Variants in MPPED2 observed in about 807,000 individuals in gnomAD.
MPPED2 encodes the protein metallophosphoesterase MPPED2.
In MPPED2, 5 loss-of-function variants were observed where a neutral mutation model predicts 33.0. That is an observed-to-expected ratio of 0.15 (90% CI 0.08 to 0.32). MPPED2 has a LOEUF of 0.32. Ranked by LOEUF, MPPED2 falls within the 10% of genes least tolerant of loss-of-function variation. The probability of loss-of-function intolerance (pLI) is 1.00; values close to 1 mark genes in which losing one functional copy is unlikely to be tolerated. For missense variants in MPPED2, 275 were observed against 372.1 expected (o/e 0.74, Z 2.15); for synonymous variants, 136 against 141.9 (o/e 0.96, Z 0.29).
At chr11:30,501,006 G>A (rs746165240) in intron 3 of MPPED2, among the ~76,000 whole-genome samples, 39 of 152,130 alleles carry the variant, frequency 2.6e-4, no homozygotes, top group African/African-American at 8.0e-4. Context: ...CAGTCTAGCC[G>A]ACTAATCTCC....
intron 4 of MPPED2, among the ~76,000 whole-genome samples, chr11:30,484,137 T>A (rs572189137): frequency 6.6e-6 from 1 of 152,292 alleles, no homozygotes; most frequent in South Asian, 2.1e-4. Flanking sequence ...ATGTGATCCA[T>A]CCTGTAAACC....
At chr11:30,428,229 A>G (rs908810283) in intron 4 of MPPED2, among the ~76,000 whole-genome samples, 1 of 152,254 alleles carries the variant, frequency 6.6e-6, no homozygotes, top group African/African-American at 2.4e-5. Context: ...TTGCTGGTAT[A>G]TATCTCTCAT....
At chr11:30,525,523 T>A (rs534197451) in intron 3 of MPPED2, among the ~76,000 whole-genome samples, 3 of 152,318 alleles carry the variant, frequency 2.0e-5, no homozygotes, top group Admixed American at 6.5e-5. Context: ...AATAATTATG[T>A]ATGTCTTGCC....
chr11:30,408,463 C>T (rs1380448237), downstream of MPPED2, among the ~76,000 whole-genome samples: 2 of 152,156 alleles, frequency 1.3e-5, no homozygotes, highest in Non-Finnish European at 2.9e-5. Context: ...AGGCATGTGC[C>T]ACCACGCCCA....
chr11:30,460,389 G>T (rs1306612164), intron 4 of MPPED2, among the ~76,000 whole-genome samples: 1 of 152,180 alleles, frequency 6.6e-6, no homozygotes, highest in Non-Finnish European at 1.5e-5. Flanking sequence ...GAAGGCTGAG[G>T]TGGAAGGATC....
chr11:30,564,961 C>T (rs1253403253), intron 2 of MPPED2, among the ~76,000 whole-genome samples: 2 of 152,096 alleles, frequency 1.3e-5, no homozygotes, highest in African/African-American at 4.8e-5. Flanking sequence ...TGAACTGACT[C>T]CAATTCATCA....
intron 4 of MPPED2, 43 bp downstream of exon 4, chr11:30,495,253 G>T: frequency 7.3e-7 from 1 of 1,364,000 alleles, no homozygotes; most frequent in Non-Finnish European, 1.0e-6. Context: ...TCTTGGTACT[G>T]AGCTAAAAAG....
intron 3 of MPPED2, among the ~76,000 whole-genome samples, chr11:30,524,104 G>A (rs1303830922): frequency 6.6e-6 from 1 of 151,926 alleles, no homozygotes; most frequent in Non-Finnish European, 1.5e-5. Flanking sequence ...ACAAAAATTA[G>A]CTCGGCATGA....
intron 4 of MPPED2, among the ~76,000 whole-genome samples, chr11:30,434,942 T>C (rs1949259996): frequency 6.6e-6 from 1 of 152,174 alleles, no homozygotes; most frequent in Non-Finnish European, 1.5e-5. Context: ...ACTGGTAAAG[T>C]TGAGATCCAA....
intron 2 of MPPED2, among the ~76,000 whole-genome samples, chr11:30,564,513 G>C (rs1048334217): frequency 2.0e-5 from 3 of 152,106 alleles, no homozygotes; most frequent in Non-Finnish European, 4.4e-5. Context: ...CACATTTATG[G>C]ATAAGAACAC....
At chr11:30,454,210 C>T (rs898787753) in intron 4 of MPPED2, among the ~76,000 whole-genome samples, 1 of 152,176 alleles carries the variant, frequency 6.6e-6, no homozygotes, top group Non-Finnish European at 1.5e-5. Flanking sequence ...GTCAAAATCC[C>T]GTTCTGCTCT....
intron 4 of MPPED2, among the ~76,000 whole-genome samples, chr11:30,478,975 C>T (rs904770163): frequency 6.6e-6 from 1 of 152,038 alleles, no homozygotes; most frequent in Non-Finnish European, 1.5e-5. Flanking sequence ...ACATTGAACT[C>T]AAGAATATTG....
chr11:30,434,169 T>C (rs1271495974), intron 4 of MPPED2, among the ~76,000 whole-genome samples: 3 of 152,180 alleles, frequency 2.0e-5, no homozygotes, highest in Admixed American at 6.5e-5. Flanking sequence ...CTCTCTTCCA[T>C]GTAAGGTAAC....
exon 7 of MPPED2, chr11:30,387,531 G>C (rs560520028): frequency 6.6e-6 from 1 of 152,188 alleles, no homozygotes; most frequent in Non-Finnish European, 1.5e-5. Flanking sequence ...GGGTTGGAGA[G>C]ACACCATCCC....
intron 2 of MPPED2, among the ~76,000 whole-genome samples, chr11:30,547,844 T>TA (rs1378298356): frequency 6.6e-6 from 1 of 152,110 alleles, no homozygotes; most frequent in Admixed American, 6.6e-5. Flanking sequence ...GAGTCAATTT[T>TA]AAAAAAAATA....
intron 3 of MPPED2, among the ~76,000 whole-genome samples, chr11:30,495,952 T>G (rs1952231234): frequency 6.6e-6 from 1 of 152,214 alleles, no homozygotes; most frequent in Admixed American, 6.5e-5. Flanking sequence ...AGATTTTTAG[T>G]ATATGCTTCA....
At chr11:30,559,560 C>T (rs935768441) in intron 2 of MPPED2, among the ~76,000 whole-genome samples, 2 of 152,140 alleles carry the variant, frequency 1.3e-5, no homozygotes, top group Admixed American at 1.3e-4. Context: ...TCTTCTCCTT[C>T]CGAATGAAAT....
intron 4 of MPPED2, among the ~76,000 whole-genome samples, chr11:30,438,556 T>C (rs556622): frequency 0.89 from 135,962 of 152,288 alleles, 60,921 homozygotes; most frequent in African/African-American, 0.97. Context: ...TGATGCATCA[T>C]GGTAAAAAAT....
chr11:30,512,903 A>G (rs998661597), intron 3 of MPPED2, among the ~76,000 whole-genome samples: 2 of 152,092 alleles, frequency 1.3e-5, no homozygotes, highest in Admixed American at 1.3e-4. Flanking sequence ...CGGGAGGCTG[A>G]GGTGGAAGAA....
Sources: gnomAD v4.1 joint callset for allele counts (sites outside exome capture counted in the v4.1 genomes callset) on GRCh38, gnomAD v4.1.1 for gene constraint, MANE v1.5 for transcripts, NCBI Gene and HGNC (gene_info 2026-07-23, HGNC 2026-07-21) for gene names.